TNFSF4: variants seen among roughly 807,000 people sequenced by gnomAD.
TNFSF4 encodes tumor necrosis factor ligand superfamily member 4.
Under a neutral mutation model 7.3 loss-of-function variants are expected in TNFSF4, and 4 were observed. That is an observed-to-expected ratio of 0.55 (90% CI 0.27 to 1.25). The LOEUF is 1.25. Ranked by LOEUF, TNFSF4 falls within the 50% of genes most tolerant of loss-of-function variation. The pLI, the probability that TNFSF4 is intolerant of heterozygous loss-of-function variation, is 0.12. For missense variants in TNFSF4, 181 were observed against 208.8 expected (o/e 0.87, Z 0.82); for synonymous variants, 76 against 83.7 (o/e 0.91, Z 0.50).
At chr1:173,306,399 CT>C in the TNFSF4 span, among the ~76,000 whole-genome samples, 1 of 151,932 alleles carries the variant, frequency 6.6e-6, no homozygotes, top group African/African-American at 2.4e-5. Context: ...CCTTCACTCC[CT>C]GGCAGATACT....
At chr1:173,416,501 C>A in the TNFSF4 span, among the ~76,000 whole-genome samples, 4 of 152,136 alleles carry the variant, frequency 2.6e-5, no homozygotes, top group African/African-American at 9.7e-5. Flanking sequence ...AGGGCCCTCC[C>A]CAACAGGGCC....
At chr1:173,349,360 A>C in the TNFSF4 span, among the ~76,000 whole-genome samples, 1 of 152,220 alleles carries the variant, frequency 6.6e-6, no homozygotes, top group Non-Finnish European at 1.5e-5. Flanking sequence ...GTTTTACAAC[A>C]GAACTCTGCC....
At chr1:173,416,769 G>T in the TNFSF4 span, among the ~76,000 whole-genome samples, 4 of 152,006 alleles carry the variant, frequency 2.6e-5, no homozygotes, top group South Asian at 8.3e-4. Context: ...GCTAATTTTT[G>T]TATTTTTAGT....
chr1:173,338,746 G>T, the TNFSF4 span, among the ~76,000 whole-genome samples: 1 of 152,132 alleles, frequency 6.6e-6, no homozygotes, highest in African/African-American at 2.4e-5. Context: ...TTTATGCTCT[G>T]CCAGCCCAGA....
chr1:173,262,851 C>T, the TNFSF4 span, among the ~76,000 whole-genome samples: 1 of 152,166 alleles, frequency 6.6e-6, no homozygotes, highest in African/African-American at 2.4e-5. Context: ...CCGCCCGTCT[C>T]GGCCTCCTAA....
the TNFSF4 span, among the ~76,000 whole-genome samples, chr1:173,383,413 T>A: frequency 6.6e-6 from 1 of 152,230 alleles, no homozygotes; most frequent in African/African-American, 2.4e-5. Flanking sequence ...TTAACATTTT[T>A]AAAATTTTAC....
chr1:173,267,567 C>A, the TNFSF4 span, among the ~76,000 whole-genome samples: 24 of 152,144 alleles, frequency 1.6e-4, 3 homozygotes, highest in South Asian at 3.9e-3. Context: ...TAAATTACTA[C>A]AAAACTCAGT....
At chr1:173,411,200 G>C in the TNFSF4 span, among the ~76,000 whole-genome samples, 1 of 152,184 alleles carries the variant, frequency 6.6e-6, no homozygotes, top group African/African-American at 2.4e-5. Context: ...TCTTCAGCCT[G>C]AGGCAGAGCA....
the TNFSF4 span, among the ~76,000 whole-genome samples, chr1:173,420,807 A>G: frequency 3.9e-5 from 6 of 152,340 alleles, no homozygotes; most frequent in East Asian, 1.2e-3. Context: ...TCAAATTATT[A>G]CTGTGTAAGT....
chr1:173,283,076 G>T, the TNFSF4 span, among the ~76,000 whole-genome samples: 1 of 152,118 alleles, frequency 6.6e-6, no homozygotes, highest in Non-Finnish European at 1.5e-5. Flanking sequence ...CTATGTCAAA[G>T]GTAAGTTACT....
At chr1:173,240,400 C>T in the TNFSF4 span, among the ~76,000 whole-genome samples, 1 of 152,156 alleles carries the variant, frequency 6.6e-6, no homozygotes, top group African/African-American at 2.4e-5. Flanking sequence ...AAATATATGG[C>T]ATGTTTCATG....
chr1:173,255,863 A>G, the TNFSF4 span, among the ~76,000 whole-genome samples: 1 of 152,252 alleles, frequency 6.6e-6, no homozygotes, highest in East Asian at 1.9e-4. Flanking sequence ...TGAGGGGAGG[A>G]TTGGTGTAGG....
chr1:173,342,339 T>C, the TNFSF4 span, among the ~76,000 whole-genome samples: 1 of 152,156 alleles, frequency 6.6e-6, no homozygotes, highest in African/African-American at 2.4e-5. Flanking sequence ...ATGTTGATGA[T>C]TAGCCTGCCC....
the TNFSF4 span, among the ~76,000 whole-genome samples, chr1:173,359,050 T>G: frequency 3.7e-4 from 57 of 152,100 alleles, no homozygotes; most frequent in African/African-American, 1.3e-3. Context: ...AATTAAAGCA[T>G]TCCTCTGGTT....
At chr1:173,299,932 T>A in the TNFSF4 span, among the ~76,000 whole-genome samples, 1 of 151,926 alleles carries the variant, frequency 6.6e-6, no homozygotes, top group South Asian at 2.1e-4. Context: ...AAGTTGTATT[T>A]AAACCCATTG....
chr1:173,237,590 A>G, the TNFSF4 span, among the ~76,000 whole-genome samples: 1 of 152,234 alleles, frequency 6.6e-6, no homozygotes, highest in Non-Finnish European at 1.5e-5. Context: ...TACAAAAATC[A>G]GTAGCATTCT....
At chr1:173,283,479 TCA>T in the TNFSF4 span, among the ~76,000 whole-genome samples, 3 of 152,184 alleles carry the variant, frequency 2.0e-5, no homozygotes, top group Non-Finnish European at 4.4e-5. Flanking sequence ...TGAAATGGTC[TCA>T]GTTTGGCAAC....
chr1:173,372,692 A>G, the TNFSF4 span, among the ~76,000 whole-genome samples: 1 of 152,222 alleles, frequency 6.6e-6, no homozygotes, highest in African/African-American at 2.4e-5. Flanking sequence ...GAGGAAATTT[A>G]TGGCTATCAT....
chr1:173,268,869 A>G, the TNFSF4 span, among the ~76,000 whole-genome samples: 2 of 152,140 alleles, frequency 1.3e-5, no homozygotes, highest in Non-Finnish European at 1.5e-5. Context: ...TAATGACATT[A>G]TTAGGGACAA....
Sources: gnomAD v4.1 joint callset for allele counts (sites outside exome capture counted in the v4.1 genomes callset) on GRCh38, gnomAD v4.1.1 for gene constraint, MANE v1.5 for transcripts, NCBI Gene and HGNC (gene_info 2026-07-23, HGNC 2026-07-21) for gene names.